The following FARSB variants were observed in gnomAD, a reference collection of about 807,000 sequenced individuals.
The protein encoded by FARSB is phenylalanine--tRNA ligase beta subunit.
A neutral mutation model predicts 69.6 loss-of-function variants in FARSB; 40 were observed. The observed-to-expected ratio is 0.57, with a 90% CI of 0.45 to 0.75. The LOEUF is 0.75. Among genes scored for constraint, FARSB ranks in the 30% least tolerant of loss-of-function variants. The pLI is 0.00. For missense variants in FARSB, 632 were observed against 722.9 expected (o/e 0.87, Z 1.44); for synonymous variants, 235 against 247.2 (o/e 0.95, Z 0.46).
rs933440934 is a variant in FARSB at position 222,568,173 on chromosome 2, T to G, written c.*3698A>C. 1 of 152,198 alleles carries G rather than the reference T, an allele frequency of 6.6e-6. No individual in the cohort carries two copies. The highest frequency in any genetic ancestry group is 1.5e-5 in the Non-Finnish European group (1 of 68,028). 9.4% of individuals were successfully genotyped at this position (152,198 alleles called of 1,614,324 possible). ...GGCTAAATTGTTAACAGCAGTTAGT[T>G]ACTTCAGGGAATCAGGAGGAAGAAA... is the stretch of plus-strand genomic sequence containing the variant. On this transcript the variant is annotated 3_prime_UTR_variant, in exon 17 of 17. Transcript: ENST00000281828. This position sits in a 1 kb window ranked among gnomAD's most constrained non-coding sequence, Gnocchi z 4.3.
At chr2:222,650,540 G>C (rs1294519223) in intron 1 of FARSB, among the ~76,000 whole-genome samples, 1 of 152,218 alleles carries the variant, frequency 6.6e-6, no homozygotes, top group Non-Finnish European at 1.5e-5. Context: ...TAGGAATAGG[G>C]AGTGTGTAGA....
chr2:222,652,190 C>A (rs569494863), intron 1 of FARSB, among the ~76,000 whole-genome samples: 8 of 152,294 alleles, frequency 5.3e-5, no homozygotes, highest in Non-Finnish European at 1.2e-4. Flanking sequence ...GGAGCCACAT[C>A]CACATCTGGT....
rs546239622 is a variant in FARSB, at chr2:222,620,497, C to T, written c.1252-760G>A. The stretch of plus-strand genomic sequence containing the variant: ...GATGCTTGCCACCCTCAGAAACCAG[C>T]ATTGTAGGCAGAAGTTATGAAATTA... On this transcript the variant is annotated intron_variant, in intron 13 of 16. Coordinates refer to ENST00000281828, the MANE Select transcript of FARSB (RefSeq NM_005687.5). Among the ~76,000 whole-genome samples the T allele has an allele frequency of 3.3e-5, 5 of 152,302 alleles. No homozygotes were observed. The South Asian group carries it at 8.3e-4, about 25-fold the overall frequency.
intron 2 of FARSB, among the ~76,000 whole-genome samples, chr2:222,647,468 T>C (rs1210989593): frequency 1.3e-5 from 2 of 152,220 alleles, no homozygotes; most frequent in Non-Finnish European, 2.9e-5. Flanking sequence ...GGCATGTTGA[T>C]GGCAGCTTCT....
chr2:222,577,631 CA>C (rs1216938895), intron 16 of FARSB, among the ~76,000 whole-genome samples: 1 of 152,184 alleles, frequency 6.6e-6, no homozygotes, highest in Non-Finnish European at 1.5e-5. Flanking sequence ...GCAAAACCCA[CA>C]CTACCTAGTC....
chr2:222,591,693 A>AT lies in FARSB; in HGVS notation c.1618+8234dup, dbSNP rs1275943051. Among the ~76,000 whole-genome samples, 4 of 151,746 alleles carry AT rather than the reference A, an allele frequency of 2.6e-5. No homozygotes were observed. In the East Asian group the frequency reaches 7.7e-4, roughly 29 times the overall value. On this transcript the variant is annotated intron_variant, in intron 16 of 16. Coordinates refer to ENST00000281828, the MANE Select transcript of FARSB (RefSeq NM_005687.5). ...AATCTTACTTGGAAGCATATATACA[A>AT]TTTTTTTTTAAGTGGCTTATCAGTG...
At chr2:222,619,098 C>T (rs1461721886) in intron 14 of FARSB, among the ~76,000 whole-genome samples, 25 of 150,510 alleles carry the variant, frequency 1.7e-4, no homozygotes, top group Admixed American at 8.6e-4. Flanking sequence ...GCCGAGATCC[C>T]GCCACTGCAC....
chr2:222,589,551 G>A (rs1020191666), intron 16 of FARSB, among the ~76,000 whole-genome samples: 3 of 147,676 alleles, frequency 2.0e-5, no homozygotes, highest in Non-Finnish European at 4.4e-5. Context: ...CACAGCAAAA[G>A]AAACTACCAT....
intron 15 of FARSB, among the ~76,000 whole-genome samples, chr2:222,611,658 GA>G (rs1690856802): frequency 6.6e-6 from 1 of 152,184 alleles, no homozygotes. Flanking sequence ...TAGCACTTAA[GA>G]ACAGCTCTCT....
At chr2:222,640,546 C>T (rs1318055435) in intron 4 of FARSB, among the ~76,000 whole-genome samples, 1 of 151,754 alleles carries the variant, frequency 6.6e-6, no homozygotes, top group Non-Finnish European at 1.5e-5. Context: ...ATCCTTTGAG[C>T]TCAGGAATGA....
chr2:222,584,911 G>C (rs563443692), intron 16 of FARSB, among the ~76,000 whole-genome samples: 39 of 152,282 alleles, frequency 2.6e-4, no homozygotes, highest in African/African-American at 8.9e-4. Context: ...TCCACATCTG[G>C]GGACAGGGCA....
At chr2:222,603,719 TATA>T (rs961943725) in intron 15 of FARSB, among the ~76,000 whole-genome samples, 14 of 147,536 alleles carry the variant, frequency 9.5e-5, no homozygotes, top group Non-Finnish European at 1.8e-4. Flanking sequence ...TAATAATAAA[TATA>T]ATATTAATTA....
Position 222,642,894 on chromosome 2 carries a change from A to G in FARSB, c.226T>C (p.Cys76Arg), listed in dbSNP as rs1419129874. 2.2e-5 allele frequency: 36 copies of G among 1,612,986 alleles called. No individual in the cohort carries two copies. The highest frequency in any genetic ancestry group is 3.1e-5 in the Non-Finnish European group (36 of 1,179,250). The stretch of plus-strand genomic sequence containing the variant: ...AGTCCTCGAACCAATCCTTCCAGAC[A>G]CAGGAGATCATATCTATTGGCAGGG... ...DVPANRYDLL[C>R]LEGLVRGLQV... Residue 76 changes from cysteine to arginine, a missense_variant, in exon 3 of 17, where the codon TGT (cysteine) becomes CGT (arginine). Transcript: ENST00000281828.
intron 16 of FARSB, among the ~76,000 whole-genome samples, chr2:222,589,305 G>A (rs535982778): frequency 6.6e-6 from 1 of 152,264 alleles, no homozygotes; most frequent in African/African-American, 2.4e-5. Context: ...AAACTGGCTA[G>A]CCATATGTAG....
intron 7 of FARSB, among the ~76,000 whole-genome samples, chr2:222,632,077 G>A (rs1019199805): frequency 7.0e-6 from 1 of 142,270 alleles, no homozygotes; most frequent in Non-Finnish European, 1.5e-5. Context: ...AATGGCACGA[G>A]AGTGTGCCAT....
At chr2:222,625,637 A>C (rs1691249323) in intron 10 of FARSB, among the ~76,000 whole-genome samples, 1 of 152,220 alleles carries the variant, frequency 6.6e-6, no homozygotes, top group Admixed American at 6.5e-5. Context: ...AATGCACTGC[A>C]GGGTTTGGGA....
intron 5 of FARSB, 78 bp downstream of exon 5, chr2:222,639,502 G>A (rs1043428257): frequency 7.2e-6 from 4 of 555,230 alleles, no homozygotes; most frequent in Non-Finnish European, 1.3e-5. Flanking sequence ...AGAAGAGGGA[G>A]AGGGATCAGG....
chr2:222,585,572 C>A (rs182283636), intron 16 of FARSB, among the ~76,000 whole-genome samples: 1 of 152,332 alleles, frequency 6.6e-6, no homozygotes, highest in East Asian at 1.9e-4. Context: ...TAACAAACTT[C>A]TCTGAGCTAA....
At position 222,633,147 on chromosome 2, in the gene FARSB, T is replaced by C. The variant is rs1036463026; in HGVS notation, c.715+52A>G. On this transcript the variant is annotated intron_variant, in intron 7 of 16. Coordinates refer to ENST00000281828, the MANE Select transcript of FARSB (RefSeq NM_005687.5). ...TCTATTGAGAATTCTACAGAAATGC[T>C]GAAGATTAAAAGGAAACAGCAAAGA... 4.4e-6 allele frequency: 4 copies of C among 907,044 alleles called. No homozygotes were observed. The African/African-American group carries it at 6.6e-5, about 15-fold the overall frequency. The allele number at this position is 907,044 out of a possible 1,614,324, so 56.2% of individuals were successfully genotyped here.
Sources: gnomAD v4.1 joint callset for allele counts (sites outside exome capture counted in the v4.1 genomes callset) on GRCh38, gnomAD v4.1.1 for gene constraint, Gnocchi (gnomAD v3.1) non-coding constraint, MANE v1.5 for transcripts, NCBI Gene and HGNC (gene_info 2026-07-23, HGNC 2026-07-21) for gene names.